Variants in GAN observed in about 807,000 individuals in gnomAD.
GAN encodes the protein epididymis secretory sperm binding protein.
A neutral mutation model predicts 71.3 loss-of-function variants in GAN; 48 were observed. The observed-to-expected ratio is 0.67, with a 90% CI of 0.53 to 0.86. The LOEUF is 0.86. GAN is among the 40% of genes least tolerant of loss of function. GAN has a pLI of 0.00. For missense variants in GAN, 928 were observed against 770.1 expected (o/e 1.21, Z -2.43); for synonymous variants, 386 against 276.8 (o/e 1.39, Z -3.92).
chr16:81,315,006 C>T lies in GAN; in HGVS notation c.-108C>T, dbSNP rs892505996. On this transcript the variant is annotated 5_prime_UTR_variant, in exon 1 of 11. Transcript: ENST00000648994. The stretch of plus-strand genomic sequence containing the variant: ...CGGGGGCTCCAGCTTCTGCTCAGAG[C>T]GCGGAGAGCCGGGCCGGGCGGGCGC... 7 of 954,088 alleles carry T rather than the reference C, an allele frequency of 7.3e-6. No homozygotes were observed. The East Asian group carries it at 1.0e-4, about 14-fold the overall frequency. 59.1% of individuals were successfully genotyped at this position (954,088 alleles called of 1,614,324 possible). A position where few individuals can be genotyped will look rare whatever the true frequency, so the allele number is the denominator to read the frequency against.
At chr16:81,334,800 G>A (rs1909701259) in intron 1 of GAN, among the ~76,000 whole-genome samples, 3 of 152,146 alleles carry the variant, frequency 2.0e-5, no homozygotes, top group African/African-American at 4.8e-5. Context: ...TTTGACTTCA[G>A]AACCACATGA....
In GAN at chr16:81,354,402, T is replaced by A. The variant is rs1910414763; in HGVS notation, c.283-3T>A. On this transcript the variant is annotated splice_region_variant and splice_polypyrimidine_tract_variant and intron_variant, in intron 2 of 10. Coordinates refer to ENST00000648994, the MANE Select transcript of GAN (RefSeq NM_022041.4). ...ATATAAGATAATTATGCTACTTTTT[T>A]AGATCAGGCTAAATGAAGATACAAT... The A allele has an allele frequency of 6.3e-7, 1 of 1,588,190 alleles. No homozygotes were observed. The highest frequency in any genetic ancestry group is 8.6e-7 in the Non-Finnish European group (1 of 1,156,292).
chr16:81,350,037 A>C (rs1028366673), intron 1 of GAN, among the ~76,000 whole-genome samples: 4 of 152,200 alleles, frequency 2.6e-5, no homozygotes, highest in African/African-American at 9.6e-5. Context: ...CATTGACCGA[A>C]AAATTGTTCT....
intron 1 of GAN, among the ~76,000 whole-genome samples, chr16:81,325,522 A>G (rs1049676327): frequency 6.6e-6 from 1 of 152,216 alleles, no homozygotes. Context: ...ATCAGTTGCT[A>G]ATCATTAAAG....
intron 3 of GAN, among the ~76,000 whole-genome samples, chr16:81,355,142 G>A (rs781629858): frequency 3.9e-5 from 6 of 152,158 alleles, no homozygotes; most frequent in Admixed American, 3.9e-4. Context: ...CAGCAGGCAG[G>A]GGGGTGGCAC....
rs1904286453 is a variant in GAN, at chr16:81,377,636, C to T, written c.*40C>T. ...AGAGTGCGAGATCCTGACCCAAGAG[C>T]ACCATAACATAGCTCCGAAAGGGAG... On this transcript the variant is annotated 3_prime_UTR_variant, in exon 11 of 11. Transcript: ENST00000648994. 6.4e-7 allele frequency: 1 copy of T among 1,557,642 alleles called. No individual in the cohort carries two copies. The highest frequency in any genetic ancestry group is 1.1e-5 in the South Asian group (1 of 89,956).
rs142472842 is a variant in GAN, at chr16:81,358,831, C to G, written c.973+900C>G. ...CCTGTCTTTTCGCCGTGGTCCTGCT[C>G]CCTTGTCCACCTGATAAGTGTCATC... is the stretch of plus-strand genomic sequence containing the variant. On this transcript the variant is annotated intron_variant, in intron 5 of 10. Transcript: ENST00000648994. 3.9e-5 allele frequency among the ~76,000 whole-genome samples: 6 copies of G among 152,310 alleles called. No homozygotes were observed. In the East Asian group the frequency reaches 1.2e-3, roughly 29 times the overall value.
At chr16:81,365,157 G>A (rs546597624) in intron 8 of GAN, 47 bp downstream of exon 8, 1 of 1,601,138 alleles carries the variant, frequency 6.2e-7, no homozygotes, top group South Asian at 1.1e-5. Context: ...GCTGTTCACT[G>A]GGTCTGGAGC....
In GAN at chr16:81,389,017, GTA is replaced by G. The variant is rs1430414333; in HGVS notation, c.*11423_*11424del. On this transcript the variant is annotated 3_prime_UTR_variant, in exon 11 of 11. Transcript: ENST00000648994. ...TCTGGTACATGGGGCGGGCAAAAGG[GTA>G]TCATCAGCTTAAGAAGTAAAGAAGT... 1 of 152,144 alleles carries G rather than the reference GTA, an allele frequency of 6.6e-6. No homozygotes were observed. The highest frequency in any genetic ancestry group is 1.5e-5 in the Non-Finnish European group (1 of 68,030). 9.4% of individuals were successfully genotyped at this position (152,144 alleles called of 1,614,324 possible).
intron 1 of GAN, among the ~76,000 whole-genome samples, chr16:81,332,675 G>T (rs936072050): frequency 2.0e-4 from 30 of 152,204 alleles, no homozygotes; most frequent in African/African-American, 5.5e-4. Context: ...TGTCTCCTTA[G>T]TCTCCAGTGT....
At position 81,363,890 on chromosome 16, in the gene GAN, G is replaced by C. The variant is rs142456623; in HGVS notation, c.1183G>C (p.Asp395His). The C allele has an allele frequency of 5.1e-5, 82 of 1,612,788 alleles. 1 individual carries two copies. The East Asian group carries it at 1.6e-3, about 32-fold the overall frequency. Residue 395 changes from aspartate (D) to histidine (H), a missense_variant, in exon 7 of 11, where the codon GAT (aspartate) becomes CAT (histidine). Coordinates refer to ENST00000648994, the MANE Select transcript of GAN (RefSeq NM_022041.4). Reference sequence around the variant, plus strand: ...GGAGCTGATTTCCATGGAGTGTTACGATATTTATTCTAAAACCTGGACAAA... The same window carrying C: ...GGAGCTGATTTCCATGGAGTGTTACCATATTTATTCTAAAACCTGGACAAA... ...EKELISMECY[D>H]IYSKTWTKQP... is the part of the protein sequence containing the mutation.
rs751643674 is a variant in GAN at position 81,351,564 on chromosome 16, A to AT, written c.168-12dup. 8 of 1,017,260 alleles carry AT rather than the reference A, an allele frequency of 7.9e-6. No homozygotes were observed. Among genetic ancestry groups the AT allele is most frequent in the East Asian group, 7.1e-5 (3 of 42,220 alleles). 63.0% of individuals were successfully genotyped at this position (1,017,260 alleles called of 1,614,324 possible). Reference sequence around the variant, plus strand: ...TTCTGTTCTTTCATAGAAATTTTACATTTTTTTCCCTTTCTTAGGACAAAG... The same window carrying AT: ...TTCTGTTCTTTCATAGAAATTTTACATTTTTTTTCCCTTTCTTAGGACAAAG... On this transcript the variant is annotated intron_variant, in intron 1 of 10. Coordinates refer to ENST00000648994, the MANE Select transcript of GAN (RefSeq NM_022041.4).
At chr16:81,373,996 C>G (rs1374149564) in intron 9 of GAN, among the ~76,000 whole-genome samples, 1 of 152,192 alleles carries the variant, frequency 6.6e-6, no homozygotes, top group African/African-American at 2.4e-5. Context: ...CCGCCTGGGC[C>G]TCCTAAAGTG....
intron 1 of GAN, 131 bp from the exon 2 acceptor site, chr16:81,351,452 C>A: frequency 1.5e-6 from 1 of 646,088 alleles, no homozygotes. Flanking sequence ...CTAAAGTTAA[C>A]GAACTAAATT....
At chr16:81,376,313 A>G (rs141547724) in intron 9 of GAN, among the ~76,000 whole-genome samples, 257 of 152,268 alleles carry the variant, frequency 1.7e-3, no homozygotes, top group Middle Eastern at 6.8e-3. Flanking sequence ...TGGAACGTCA[A>G]CAGGTGAATG....
chr16:81,316,230 C>T (rs1221724939), intron 1 of GAN, among the ~76,000 whole-genome samples: 1 of 152,104 alleles, frequency 6.6e-6, no homozygotes, highest in Non-Finnish European at 1.5e-5. Flanking sequence ...ACTGGAGAAA[C>T]TGACCAGTAA....
intron 1 of GAN, among the ~76,000 whole-genome samples, chr16:81,342,268 C>G (rs1360279200): frequency 6.6e-6 from 1 of 152,198 alleles, no homozygotes; most frequent in Non-Finnish European, 1.5e-5. Flanking sequence ...GAACTCAGCT[C>G]TGGACCAAGC....
chr16:81,320,479 T>C (rs78339189), intron 1 of GAN, among the ~76,000 whole-genome samples: 4,592 of 152,276 alleles, frequency 0.03, 109 homozygotes, highest in Non-Finnish European at 0.046. Flanking sequence ...GTAATGAGAG[T>C]CTGGCTGTGA....
rs1179579667 is a variant in GAN at position 81,357,777 on chromosome 16, C to G, written c.852-33C>G. On this transcript the variant is annotated intron_variant, in intron 4 of 10. Transcript: ENST00000648994. ...CTTATAAAAAGAACTGTATGAAGCA[C>G]ATTAACTACTGATCACTTATTTACT... 5 of 1,597,898 alleles carry G rather than the reference C, an allele frequency of 3.1e-6. No homozygotes were observed. The South Asian group carries it at 4.4e-5, about 14-fold the overall frequency.
Sources: allele counts gnomAD v4.1 joint callset (sites outside exome capture counted in the v4.1 genomes callset), GRCh38; gene constraint gnomAD v4.1.1; transcripts MANE v1.5; gene names NCBI Gene and HGNC (gene_info 2026-07-23, HGNC 2026-07-21).